The following NHSL1 variants were observed in gnomAD, a reference collection of about 807,000 sequenced individuals.
NHSL1 encodes the protein NHS like 1, also known as NHS-like protein 1.
A neutral mutation model predicts 95.0 loss-of-function variants in NHSL1; 48 were observed. That is an observed-to-expected ratio of 0.51 (90% CI 0.40 to 0.64). The LOEUF (loss-of-function observed/expected upper bound fraction) is 0.64, where lower values mean the gene tolerates loss of function less well. Ranked by LOEUF, NHSL1 falls within the 30% of genes least tolerant of loss-of-function variation. NHSL1 has a pLI of 0.00. For missense variants in NHSL1, 1,971 were observed against 2,077.7 expected, an observed-to-expected ratio of 0.95 and a Z score of 1.00; for synonymous variants, 783 against 833.9, an observed-to-expected ratio of 0.94 and a Z score of 1.05.
At chr6:138,673,421 C>T (rs535981845) in intron 1 of NHSL1, among the ~76,000 whole-genome samples, 2 of 150,802 alleles carry the variant, frequency 1.3e-5, no homozygotes, top group South Asian at 4.2e-4. Flanking sequence ...CCAGACTCAG[C>T]ATTTTTTACT....
At chr6:138,639,924 A>T (rs1479858630) in intron 1 of NHSL1, among the ~76,000 whole-genome samples, 1 of 149,460 alleles carries the variant, frequency 6.7e-6, no homozygotes, top group Non-Finnish European at 1.5e-5. Flanking sequence ...TTTTCTCCAC[A>T]ATGCTGTATT....
intron 1 of NHSL1, among the ~76,000 whole-genome samples, chr6:138,668,912 G>C (rs573895370): frequency 2.6e-5 from 4 of 152,076 alleles, no homozygotes; most frequent in African/African-American, 9.7e-5. Context: ...GTGAGCCACC[G>C]TACCCGGCCC....
intron 1 of NHSL1, among the ~76,000 whole-genome samples, chr6:138,585,344 T>C (rs1784118616): frequency 6.6e-6 from 1 of 152,208 alleles, no homozygotes; most frequent in Non-Finnish European, 1.5e-5. Context: ...TCACCTGTAA[T>C]AATACGATTC....
intron 2 of NHSL1, among the ~76,000 whole-genome samples, chr6:138,488,002 G>A (rs1779824326): frequency 6.6e-6 from 1 of 152,186 alleles, no homozygotes; most frequent in South Asian, 2.1e-4. Flanking sequence ...AAGTGGCTGG[G>A]CGTGGTGGCT....
chr6:138,579,635 A>C lies in NHSL1; in HGVS notation c.97-83264T>G, dbSNP rs143865969. Among the ~76,000 whole-genome samples, 12 of 152,324 alleles carry C rather than the reference A, an allele frequency of 7.9e-5. No homozygotes were observed. The East Asian group carries it at 2.3e-3, about 29-fold the overall frequency. On this transcript the variant is annotated intron_variant, in intron 1 of 3. Coordinates refer to the NHSL1 transcript ENST00000491526. ...GCCCAGTGCAATCAACAGTGAGCCA[A>C]ATCAAAAAGCAGCCTACATTCTACC...
chr6:138,585,926 CT>C, intron 1 of NHSL1, among the ~76,000 whole-genome samples: 1 of 151,756 alleles, frequency 6.6e-6, no homozygotes, highest in African/African-American at 2.4e-5. Flanking sequence ...TGGTGAATGC[CT>C]ATAGTTCCAG....
Position 138,657,771 on chromosome 6 carries a change from C to T in NHSL1, c.96+34705G>A, listed in dbSNP as rs1160327724. Among the ~76,000 whole-genome samples, 166 of 140,034 alleles carry T rather than the reference C, an allele frequency of 1.2e-3. 1 individual carries two copies. Among genetic ancestry groups the T allele is most frequent in the African/African-American group, 4.1e-3 (154 of 37,454 alleles). 91.9% of individuals were successfully genotyped at this position (140,034 alleles called of 152,430 possible). On this transcript the variant is annotated intron_variant, in intron 1 of 3. Transcript: ENST00000491526. ...CAGAGCTTGCAGTGAGCCGAGATCG[C>T]GCCACTGCACTCCAGCCTGGGCGAC...
At chr6:138,510,787 C>A (rs1207536359) in intron 1 of NHSL1, among the ~76,000 whole-genome samples, 1 of 152,102 alleles carries the variant, frequency 6.6e-6, no homozygotes, top group Non-Finnish European at 1.5e-5. Flanking sequence ...AATAAGTAAA[C>A]ATCAAATAAA....
rs9376358 is a variant in NHSL1 at position 138,657,748 on chromosome 6, G to A, written c.96+34728C>T. Among the ~76,000 whole-genome samples, 179 of 144,248 alleles carry A rather than the reference G, an allele frequency of 1.2e-3. 2 individuals carry two copies. The East Asian group carries it at 0.033, about 27-fold the overall frequency. The allele number at this position is 144,248 out of a possible 152,430, so 94.6% of individuals were successfully genotyped here. A position where few individuals can be genotyped will look rare whatever the true frequency, so the allele number is the denominator to read the frequency against. ...GAGAATGGTGTGAACCCGGGAGGCA[G>A]AGCTTGCAGTGAGCCGAGATCGCGC... On this transcript the variant is annotated intron_variant, in intron 1 of 3. Coordinates refer to the NHSL1 transcript ENST00000491526.
chr6:138,659,710 G>GT (rs368156862), intron 1 of NHSL1, among the ~76,000 whole-genome samples: 216 of 127,084 alleles, frequency 1.7e-3, no homozygotes, highest in African/African-American at 3.3e-3. Flanking sequence ...TTCCTACCAC[G>GT]TTTTTTTTTT....
At chr6:138,503,078 G>A (rs1780773063), upstream of NHSL1, among the ~76,000 whole-genome samples, 1 of 151,986 alleles carries the variant, frequency 6.6e-6, no homozygotes, top group Non-Finnish European at 1.5e-5. Context: ...CTTTTCTATT[G>A]TCTAAGATTT....
intron 2 of NHSL1, among the ~76,000 whole-genome samples, chr6:138,474,074 C>T (rs943324877): frequency 6.6e-6 from 1 of 152,088 alleles, no homozygotes; most frequent in East Asian, 1.9e-4. Context: ...TGCCATGGAT[C>T]TCGGGGTACT....
intron 2 of NHSL1, among the ~76,000 whole-genome samples, chr6:138,486,832 T>A (rs1779759011): frequency 6.6e-6 from 1 of 152,152 alleles, no homozygotes; most frequent in African/African-American, 2.4e-5. Flanking sequence ...GAGATAAACA[T>A]GCAAACACAA....
chr6:138,535,203 T>C (rs1782287026), intron 1 of NHSL1, among the ~76,000 whole-genome samples: 1 of 152,054 alleles, frequency 6.6e-6, no homozygotes, highest in Non-Finnish European at 1.5e-5. Context: ...GGTAGTCAGA[T>C]AATGGGGAAA....
intron 1 of NHSL1, among the ~76,000 whole-genome samples, chr6:138,641,283 C>A (rs776847441): frequency 6.6e-6 from 1 of 152,112 alleles, no homozygotes; most frequent in South Asian, 2.1e-4. Flanking sequence ...GAGGAAAACA[C>A]CAAAACCTGG....
chr6:138,676,070 CCCTA>C (rs1785444753), intron 1 of NHSL1, among the ~76,000 whole-genome samples: 1 of 152,154 alleles, frequency 6.6e-6, no homozygotes, highest in Non-Finnish European at 1.5e-5. Flanking sequence ...CTAAGCAAAA[CCCTA>C]CCTAACTTGA....
chr6:138,598,855 T>G (rs529985054), intron 1 of NHSL1, among the ~76,000 whole-genome samples: 10 of 152,144 alleles, frequency 6.6e-5, no homozygotes, highest in Non-Finnish European at 1.2e-4. Context: ...CCTCACACTC[T>G]TAAGTACAAT....
At chr6:138,509,702 G>T (rs758141987) in intron 1 of NHSL1, among the ~76,000 whole-genome samples, 8 of 152,144 alleles carry the variant, frequency 5.3e-5, no homozygotes, top group Non-Finnish European at 8.8e-5. Flanking sequence ...TCCTTCACCA[G>T]AGAAAGACAT....
chr6:138,660,961 G>A (rs556430304), intron 1 of NHSL1, among the ~76,000 whole-genome samples: 19 of 152,164 alleles, frequency 1.2e-4, no homozygotes, highest in African/African-American at 2.9e-4. Context: ...GCGTGGTGGC[G>A]CACGCCTGTA....
Sources: allele counts gnomAD v4.1 joint callset (sites outside exome capture counted in the v4.1 genomes callset), GRCh38; gene constraint gnomAD v4.1.1; transcripts MANE v1.5; gene names NCBI Gene and HGNC (gene_info 2026-07-23, HGNC 2026-07-21).